The following SYTL2 variants were observed in gnomAD, a reference collection of about 807,000 sequenced individuals.
SYTL2 encodes synaptotagmin-like protein 2.
Under a neutral mutation model 198.7 loss-of-function variants are expected in SYTL2, and 165 were observed. That is an observed-to-expected ratio of 0.83 (90% confidence interval 0.73 to 0.94). SYTL2 has a LOEUF of 0.94. Among genes scored for constraint, SYTL2 ranks in the 40% least tolerant of loss-of-function variants. The probability of loss-of-function intolerance (pLI) is 0.00; values close to 1 mark genes in which losing one functional copy is unlikely to be tolerated. For missense variants in SYTL2, 2,835 were observed against 2,582.8 expected (o/e 1.10, Z -2.12); for synonymous variants, 966 against 917.7 (o/e 1.05, Z -0.95).
At position 85,700,321 on chromosome 11, in the gene SYTL2, C is replaced by CTTT. The variant is rs10607209; in HGVS notation, c.6268+191_6268+193dup. Among the ~76,000 whole-genome samples, 154 of 137,864 alleles carry CTTT rather than the reference C, an allele frequency of 1.1e-3. 1 individual carries two copies. The highest frequency in any genetic ancestry group is 3.4e-3 in the African/African-American group (130 of 38,584). The allele number at this position is 137,864 out of a possible 152,430, so 90.4% of individuals were successfully genotyped here. A position where few individuals can be genotyped will look rare whatever the true frequency, so the allele number is the denominator to read the frequency against. On this transcript the variant is annotated intron_variant, in intron 17 of 19. Transcript: ENST00000359152. Reference sequence around the variant, plus strand: ...GTGAAGATGGTAGATTTTATGTTTTCTTTTTTTTTTTTTTTTGCCACAATA... The same window carrying CTTT: ...GTGAAGATGGTAGATTTTATGTTTTCTTTTTTTTTTTTTTTTTTTGCCACAATA...
At chr11:85,803,192 C>G (rs1241334682) in intron 1 of SYTL2, among the ~76,000 whole-genome samples, 1 of 152,214 alleles carries the variant, frequency 6.6e-6, no homozygotes, top group African/African-American at 2.4e-5. Flanking sequence ...TTCAAGAATG[C>G]ATATTATAAA....
chr11:85,726,715 C>T lies in SYTL2; in HGVS notation c.2643G>A (p.Lys881=). 4.6e-6 allele frequency: 7 copies of T among 1,536,078 alleles called. No homozygotes were observed. Among genetic ancestry groups the T allele is most frequent in the Non-Finnish European group, 6.1e-6 (7 of 1,146,886 alleles). ...ATCTGGATGGACCTGCTATTTGTGG[C>T]TTGGTCTCTTTAGATTTATTTGAGG... The part of the protein sequence containing the change: ...SYSSNKSKET[K]PQIAGPSRYY... Residue 881 remains lysine, a synonymous_variant, in exon 8 of 20, where the codon AAG becomes AAA. Coordinates refer to ENST00000359152, the MANE Select transcript of SYTL2 (RefSeq NM_206927.4).
chr11:85,839,935 C>T, the SYTL2 span, among the ~76,000 whole-genome samples: 2 of 152,180 alleles, frequency 1.3e-5, no homozygotes, highest in East Asian at 1.9e-4. Flanking sequence ...TCCACATCCT[C>T]GCCACTATTT....
intron 18 of SYTL2, 180 bp from the exon 19 acceptor site, chr11:85,696,568 C>T (rs773829483): frequency 7.1e-5 from 43 of 605,806 alleles, no homozygotes; most frequent in Non-Finnish European, 1.2e-4. Flanking sequence ...GCTGAAAAGA[C>T]TCTGGACCTA....
In SYTL2 at chr11:85,725,273, G is replaced by A; in HGVS notation, c.4085C>T (p.Pro1362Leu). The A allele has an allele frequency of 6.2e-7, 1 of 1,614,148 alleles. No homozygotes were observed. The highest frequency in any genetic ancestry group is 8.5e-7 in the Non-Finnish European group (1 of 1,180,016). The change falls in exon 8 of 20, where the codon CCA becomes CTA. Residue 1362 changes from proline to leucine, a missense_variant. Transcript: ENST00000359152. ...TACATCATTCAATACAGGTCTGGGT[G>A]GAAGAATGACTTTCTCTACAGTCTC... ...ISETVEKVIL[P>L]PRPVLNDVSA... is the part of the protein sequence containing the mutation.
intron 1 of SYTL2, among the ~76,000 whole-genome samples, chr11:85,787,564 T>C (rs765099587): frequency 6.6e-6 from 1 of 152,158 alleles, no homozygotes; most frequent in Non-Finnish European, 1.5e-5. Flanking sequence ...AAGTGGAAGA[T>C]GACAAGGGCA....
intron 1 of SYTL2, among the ~76,000 whole-genome samples, chr11:85,779,933 T>C (rs1263257166): frequency 2.0e-5 from 3 of 152,210 alleles, no homozygotes; most frequent in Non-Finnish European, 2.9e-5. Flanking sequence ...GCTCAGTCTC[T>C]CTCTCTTGCT....
rs59732443 is a variant in SYTL2, at chr11:85,729,152, C to T, written c.1391-1185G>A. ...ACACAGTAATAGTGGGAGACTTTAA[C>T]ACCCCACTGTCAATATTACACAGAT... On this transcript the variant is annotated intron_variant, in intron 7 of 19. Coordinates refer to ENST00000359152, the MANE Select transcript of SYTL2 (RefSeq NM_206927.4). Among the ~76,000 whole-genome samples, 515 of 152,260 alleles carry T rather than the reference C, an allele frequency of 3.4e-3. 2 individuals are homozygous for T. The highest frequency in any genetic ancestry group is 0.012 in the African/African-American group (484 of 41,552).
At chr11:85,834,175 A>G in the SYTL2 span, among the ~76,000 whole-genome samples, 1 of 152,326 alleles carries the variant, frequency 6.6e-6, no homozygotes, top group East Asian at 1.9e-4. Flanking sequence ...TACTGCAGAT[A>G]TTATCACATT....
chr11:85,795,435 T>C (rs948987829), intron 1 of SYTL2, among the ~76,000 whole-genome samples: 1 of 152,178 alleles, frequency 6.6e-6, no homozygotes, highest in African/African-American at 2.4e-5. Context: ...GTAGCCTGAG[T>C]TGCACTCATT....
At chr11:85,738,702 A>G (rs2090549713) in intron 4 of SYTL2, among the ~76,000 whole-genome samples, 1 of 152,208 alleles carries the variant, frequency 6.6e-6, no homozygotes, top group South Asian at 2.1e-4. Flanking sequence ...TATGAGGAAC[A>G]ACATCCCTAT....
rs765071500 is a variant in SYTL2, at chr11:85,700,642, G to A, written c.6190-49C>T. The A allele has an allele frequency of 3.5e-6, 5 of 1,422,272 alleles. No homozygotes were observed. The South Asian group carries it at 4.6e-5, about 13-fold the overall frequency. The allele number at this position is 1,422,272 out of a possible 1,614,324, so 88.1% of individuals were successfully genotyped here. On this transcript the variant is annotated intron_variant, in intron 16 of 19. Coordinates refer to ENST00000359152, the MANE Select transcript of SYTL2 (RefSeq NM_206927.4). ...AGGTGGGAGACAAACTTTTCATCCT[G>A]TTTGTTGGTATAGGTCTCATTACAG...
chr11:85,799,213 G>C (rs1280636497), intron 1 of SYTL2, among the ~76,000 whole-genome samples: 1 of 152,088 alleles, frequency 6.6e-6, no homozygotes, highest in Non-Finnish European at 1.5e-5. Flanking sequence ...CAGCCTTCTG[G>C]GCTTTGGGCA....
At chr11:85,770,772 T>A (rs2092338648) in intron 1 of SYTL2, among the ~76,000 whole-genome samples, 1 of 152,208 alleles carries the variant, frequency 6.6e-6, no homozygotes, top group Admixed American at 6.5e-5. Context: ...AAACTGCTCC[T>A]GCAGCCCATT....
chr11:85,770,492 C>T (rs1455646401), intron 1 of SYTL2, among the ~76,000 whole-genome samples: 2 of 152,196 alleles, frequency 1.3e-5, no homozygotes, highest in Admixed American at 1.3e-4. Context: ...CCAAGCACTT[C>T]CCTGATGGCA....
At chr11:85,809,270 C>A (rs183412868) in intron 1 of SYTL2, among the ~76,000 whole-genome samples, 216 of 152,334 alleles carry the variant, frequency 1.4e-3, no homozygotes, top group Admixed American at 2.2e-3. Context: ...AGACCCCAAA[C>A]CACCTCTAGG....
intron 4 of SYTL2, among the ~76,000 whole-genome samples, chr11:85,740,496 G>A (rs1359848862): frequency 2.6e-5 from 4 of 152,096 alleles, no homozygotes; most frequent in Admixed American, 2.6e-4. Context: ...GCTATCATGT[G>A]GTCATATCTT....
At chr11:85,750,903 T>C (rs1030572917) in intron 2 of SYTL2, among the ~76,000 whole-genome samples, 3 of 152,168 alleles carry the variant, frequency 2.0e-5, no homozygotes, top group African/African-American at 7.2e-5. Flanking sequence ...CAAACCCTTA[T>C]AGCAGAACAA....
rs1376579406 is a variant in SYTL2, at chr11:85,695,112, A to G, written c.*83T>C. ...TAGGTGCAATAGATAGAAAGTGAGG[A>G]TATTTGTCCACCTACTCAGATTTTC... On this transcript the variant is annotated 3_prime_UTR_variant, in exon 20 of 20. Coordinates refer to ENST00000359152, the MANE Select transcript of SYTL2 (RefSeq NM_206927.4). The G allele has an allele frequency of 2.1e-6, 3 of 1,407,416 alleles. No individual in the cohort carries two copies. In the East Asian group the frequency reaches 6.9e-5, roughly 32 times the overall value. 87.2% of individuals were successfully genotyped at this position (1,407,416 alleles called of 1,614,324 possible).
Sources: gnomAD v4.1 joint callset for allele counts (sites outside exome capture counted in the v4.1 genomes callset) on GRCh38, gnomAD v4.1.1 for gene constraint, MANE v1.5 for transcripts, NCBI Gene and HGNC (gene_info 2026-07-23, HGNC 2026-07-21) for gene names.